The following ARL6IP6 variants were observed in gnomAD, a reference collection of about 807,000 sequenced individuals.
ARL6IP6 encodes ARF like GTPase 6 interacting protein 6, also known as ADP-ribosylation factor-like protein 6-interacting protein 6.
ARL6IP6 carries 22 observed loss-of-function variants against 21.5 expected under a neutral mutation model. The ratio of observed to expected loss-of-function variants is 1.02; its 90% CI spans 0.73 to 1.46. The LOEUF (loss-of-function observed/expected upper bound fraction) is 1.46. Among genes scored for constraint, ARL6IP6 ranks in the 40% most tolerant of loss-of-function variants. The probability of loss-of-function intolerance (pLI) is 0.00; values close to 1 mark genes in which losing one functional copy is unlikely to be tolerated. For missense variants in ARL6IP6, 388 were observed against 299.8 expected, an observed-to-expected ratio of 1.29 and a Z score of -2.17; for synonymous variants, 164 against 125.3, an observed-to-expected ratio of 1.31 and a Z score of -2.06.
chr2:152,731,798 A>T (rs1455088549), intron 2 of ARL6IP6, among the ~76,000 whole-genome samples: 1 of 152,168 alleles, frequency 6.6e-6, no homozygotes, highest in Non-Finnish European at 1.5e-5. Context: ...TTTTTAAAAT[A>T]TCTAAGTACA....
chr2:152,728,086 A>G (rs1472644503), intron 2 of ARL6IP6, among the ~76,000 whole-genome samples: 1 of 152,078 alleles, frequency 6.6e-6, no homozygotes, highest in Non-Finnish European at 1.5e-5. Context: ...GAAAAATATA[A>G]TTGGAATCAT....
intron 2 of ARL6IP6, among the ~76,000 whole-genome samples, chr2:152,722,801 G>A (rs1476545683): frequency 6.6e-6 from 1 of 152,074 alleles, no homozygotes; most frequent in Admixed American, 6.6e-5. Context: ...CCACCTACTC[G>A]GGAGGCTGAG....
At chr2:152,722,669 G>A (rs1699846864) in intron 2 of ARL6IP6, among the ~76,000 whole-genome samples, 1 of 152,162 alleles carries the variant, frequency 6.6e-6, no homozygotes, top group South Asian at 2.1e-4. Context: ...TTGGGAGGCC[G>A]AGGCGGGTGG....
At position 152,735,104 on chromosome 2, in the gene ARL6IP6, CCT is replaced by C. The variant is rs1700493230; in HGVS notation, c.568_569del (p.Leu190PhefsTer18). 6.2e-7 allele frequency: 1 copy of C among 1,613,672 alleles called. No individual in the cohort carries two copies. The highest frequency in any genetic ancestry group is 1.3e-5 in the African/African-American group (1 of 74,916). On this transcript the variant is annotated frameshift_variant, in exon 3 of 4. Transcript: ENST00000326446. LOFTEE classifies it high-confidence loss of function. ...TGAACCAGGAATGTTTCCTCCTACT[CCT>C]CTTTCACCTGCCAGGTTCAAGTAAG... is the stretch of plus-strand genomic sequence containing the variant. Reference protein sequence around the residue: ...SFEPGMFPPTPLSPARFKKLT... With the variant: ...SFEPGMFPPTXLSPARFKKLT...
chr2:152,760,095 CT>C lies in ARL6IP6; in HGVS notation c.*260del. ...TCAGAGTATAAGATGTTTACCTCAT[CT>C]TTTTACTTTTGTGTGTGTAGTTCTT... On this transcript the variant is annotated 3_prime_UTR_variant, in exon 4 of 4. Transcript: ENST00000326446. The C allele has an allele frequency of 3.4e-6, 1 of 291,166 alleles. No individual in the cohort carries two copies. Among genetic ancestry groups the C allele is most frequent in the Non-Finnish European group, 6.4e-6 (1 of 155,788 alleles). 18.0% of individuals were successfully genotyped at this position (291,166 alleles called of 1,614,324 possible). A position where few individuals can be genotyped will look rare whatever the true frequency, so the allele number is the denominator to read the frequency against.
intron 1 of ARL6IP6, chr2:152,719,859 A>T: frequency 2.1e-6 from 1 of 465,260 alleles, no homozygotes; most frequent in South Asian, 1.6e-5. Flanking sequence ...AATTAAATCT[A>T]TTTAACTCCA....
intron 3 of ARL6IP6, among the ~76,000 whole-genome samples, chr2:152,752,368 C>CA (rs1403527064): frequency 1.3e-5 from 2 of 152,130 alleles, no homozygotes; most frequent in African/African-American, 2.4e-5. Flanking sequence ...CGTATCTCTA[C>CA]AAAAAATCAG....
At chr2:152,753,523 T>C (rs1055457599) in intron 3 of ARL6IP6, among the ~76,000 whole-genome samples, 1 of 152,158 alleles carries the variant, frequency 6.6e-6, no homozygotes, top group Non-Finnish European at 1.5e-5. Context: ...GCACATTTAT[T>C]GTATCAGTTG....
At position 152,718,723 on chromosome 2, in the gene ARL6IP6, G is replaced by A; in HGVS notation, c.99G>A (p.Gln33=). ...GGCCATCGTATTCCTCCTTTACTCA[G>A]GGGGACAGCTGGGGTGAAGGCGAAG... The part of the protein sequence containing the change: ...VARPSYSSFT[Q]GDSWGEGEVD... Residue 33 remains glutamine, a synonymous_variant, in exon 1 of 4, where the codon CAG becomes CAA. Transcript: ENST00000326446. 6.2e-7 allele frequency: 1 copy of A among 1,610,278 alleles called. No homozygotes were observed. The highest frequency in any genetic ancestry group is 2.2e-5 in the East Asian group (1 of 44,786).
intron 3 of ARL6IP6, among the ~76,000 whole-genome samples, chr2:152,755,202 G>A (rs950345185): frequency 5.3e-5 from 8 of 152,180 alleles, no homozygotes; most frequent in Admixed American, 1.3e-4. Flanking sequence ...TAGCGGTAAC[G>A]CCAGCATCTG....
At chr2:152,719,776 AAAAG>A in intron 1 of ARL6IP6, 5 of 314,404 alleles carry the variant, frequency 1.6e-5, no homozygotes, top group Admixed American at 4.7e-5. Flanking sequence ...AAAAAAAAAC[AAAAG>A]AACTTTGTTG....
At chr2:152,721,349 G>T (rs1449166254) in intron 2 of ARL6IP6, among the ~76,000 whole-genome samples, 1 of 147,178 alleles carries the variant, frequency 6.8e-6, no homozygotes, top group East Asian at 1.9e-4. Flanking sequence ...TTTATGTGCA[G>T]CTTTTTTTTT....
intron 3 of ARL6IP6, among the ~76,000 whole-genome samples, chr2:152,745,322 T>C (rs1403575967): frequency 2.0e-5 from 3 of 152,184 alleles, no homozygotes; most frequent in Admixed American, 2.0e-4. Flanking sequence ...TGCTTGAAAT[T>C]TGAAATTTCC....
intron 3 of ARL6IP6, among the ~76,000 whole-genome samples, chr2:152,735,619 A>C (rs1700516280): frequency 6.6e-6 from 1 of 152,120 alleles, no homozygotes; most frequent in Non-Finnish European, 1.5e-5. Flanking sequence ...AACAGTATTA[A>C]ATTTCTTTGG....
At position 152,761,985 on chromosome 2, in the gene ARL6IP6, G is replaced by A. The variant is rs771172865; in HGVS notation, c.*2145G>A. ...ATTTTTGTGGAATCCTAATTCTTCTGGACTGTTACTCCCCTTTTTTGGGAA... is the reference window on the plus strand; with the variant it reads ...ATTTTTGTGGAATCCTAATTCTTCTAGACTGTTACTCCCCTTTTTTGGGAA... On this transcript the variant is annotated 3_prime_UTR_variant, in exon 4 of 4. Transcript: ENST00000326446. Among the ~76,000 whole-genome samples the A allele has an allele frequency of 3.3e-5, 5 of 152,036 alleles. No homozygotes were observed. Among genetic ancestry groups the A allele is most frequent in the Non-Finnish European group, 5.9e-5 (4 of 68,026 alleles).
chr2:152,742,995 T>C (rs1700888271), intron 3 of ARL6IP6, among the ~76,000 whole-genome samples: 1 of 152,238 alleles, frequency 6.6e-6, no homozygotes, highest in Non-Finnish European at 1.5e-5. Context: ...TCATCATCAA[T>C]AGGAGGAATT....
intron 3 of ARL6IP6, among the ~76,000 whole-genome samples, chr2:152,754,264 C>G (rs1198342757): frequency 6.6e-6 from 1 of 152,096 alleles, no homozygotes; most frequent in Non-Finnish European, 1.5e-5. Flanking sequence ...TACTTTTCGT[C>G]TCTATGGATT....
At chr2:152,730,290 A>G (rs1429027834) in intron 2 of ARL6IP6, among the ~76,000 whole-genome samples, 1 of 152,194 alleles carries the variant, frequency 6.6e-6, no homozygotes, top group Non-Finnish European at 1.5e-5. Context: ...AAAGCCTCAC[A>G]TTTGATTATT....
intron 3 of ARL6IP6, among the ~76,000 whole-genome samples, chr2:152,755,649 C>T (rs981616654): frequency 1.2e-4 from 18 of 152,222 alleles, no homozygotes; most frequent in Non-Finnish European, 2.4e-4. Flanking sequence ...CGTAACCTTA[C>T]ATATCATTGG....
Sources: gnomAD v4.1 joint callset for allele counts (sites outside exome capture counted in the v4.1 genomes callset) on GRCh38, gnomAD v4.1.1 for gene constraint, MANE v1.5 for transcripts, NCBI Gene and HGNC (gene_info 2026-07-23, HGNC 2026-07-21) for gene names.